Variants in DLG2 observed in about 807,000 individuals in gnomAD.
The protein encoded by DLG2 is discs large MAGUK scaffold protein 2.
A neutral mutation model predicts 132.5 loss-of-function variants in DLG2; 45 were observed. That is an observed-to-expected ratio of 0.34 (90% CI 0.27 to 0.44). DLG2 has a LOEUF of 0.44. Ranked by LOEUF, DLG2 falls within the 20% of genes least tolerant of loss-of-function variation. DLG2 has a pLI of 1.00. For missense variants in DLG2, 1,045 were observed against 1,196.9 expected (o/e 0.87, Z 1.87); for synonymous variants, 424 against 419.6 (o/e 1.01, Z -0.13).
intron 22 of DLG2, chr11:83,483,200 A>AAAAGG (rs1475751254): frequency 2.0e-6 from 3 of 1,518,574 alleles, no homozygotes; most frequent in African/African-American, 1.4e-5. Context: ...AGCCAAACTC[A>AAAAGG]AAAGGAAAGG....
At chr11:84,356,832 T>C (rs1466206610) in intron 7 of DLG2, among the ~76,000 whole-genome samples, 1 of 151,978 alleles carries the variant, frequency 6.6e-6, no homozygotes, top group African/African-American at 2.4e-5. Context: ...AAAGTATTTT[T>C]AAAAAGATGA....
At chr11:83,768,854 G>C (rs2094257999) in intron 18 of DLG2, among the ~76,000 whole-genome samples, 1 of 152,220 alleles carries the variant, frequency 6.6e-6, no homozygotes, top group Admixed American at 6.5e-5. Flanking sequence ...AGATCTGGCT[G>C]TTGGCCCCCT....
intron 6 of DLG2, among the ~76,000 whole-genome samples, chr11:84,572,994 C>A (rs2099489367): frequency 6.6e-6 from 1 of 151,866 alleles, no homozygotes; most frequent in African/African-American, 2.4e-5. Flanking sequence ...TGTCTCCTGC[C>A]AAAAATCTAA....
At chr11:85,445,457 C>G (rs2091966300) in intron 3 of DLG2, among the ~76,000 whole-genome samples, 1 of 152,178 alleles carries the variant, frequency 6.6e-6, no homozygotes, top group African/African-American at 2.4e-5. Flanking sequence ...GTGGGTGGAT[C>G]ACCTGAGGTC....
Position 84,353,711 on chromosome 11 carries a change from T to C in DLG2, c.520-102420A>G, listed in dbSNP as rs539879474. On this transcript the variant is annotated intron_variant, in intron 7 of 27. Transcript: ENST00000376104. ...GGTCATGTTTGGTATGTTTTTGTCA[T>C]CATTTTTATCTTGTCTTCTTGGCTC... Among the ~76,000 whole-genome samples the C allele has an allele frequency of 2.6e-5, 4 of 152,208 alleles. No homozygotes were observed. In the East Asian group the frequency reaches 5.8e-4, roughly 22 times the overall value.
chr11:84,772,510 A>G, intron 6 of DLG2, among the ~76,000 whole-genome samples: 1 of 152,222 alleles, frequency 6.6e-6, no homozygotes, highest in Admixed American at 6.5e-5. Flanking sequence ...TCATCTGCAC[A>G]TGGAACATAC....
intron 3 of DLG2, among the ~76,000 whole-genome samples, chr11:85,474,265 CTG>C (rs2093071686): frequency 6.6e-6 from 1 of 151,896 alleles, no homozygotes; most frequent in South Asian, 2.1e-4. Flanking sequence ...AAGCCTGAAA[CTG>C]TATTTACTTC....
At chr11:84,169,711 A>G (rs935524430) in intron 8 of DLG2, among the ~76,000 whole-genome samples, 3 of 152,046 alleles carry the variant, frequency 2.0e-5, no homozygotes, top group Non-Finnish European at 4.4e-5. Context: ...CATCTCTACT[A>G]AAAATACAAA....
At chr11:85,466,192 T>G (rs977610624) in intron 3 of DLG2, among the ~76,000 whole-genome samples, 6 of 152,228 alleles carry the variant, frequency 3.9e-5, no homozygotes, top group African/African-American at 1.4e-4. Flanking sequence ...GTTCACTGTA[T>G]GTAGATTCTG....
intron 3 of DLG2, among the ~76,000 whole-genome samples, chr11:85,439,791 T>C (rs542159507): frequency 4.6e-5 from 7 of 152,304 alleles, no homozygotes; most frequent in African/African-American, 1.4e-4. Flanking sequence ...AGAAGACACA[T>C]TGCATATTAA....
At chr11:83,874,902 T>A (rs1466859310) in intron 15 of DLG2, among the ~76,000 whole-genome samples, 1 of 152,150 alleles carries the variant, frequency 6.6e-6, no homozygotes, top group Non-Finnish European at 1.5e-5. Context: ...AGGTGAACAT[T>A]AAAATGAACA....
chr11:83,954,206 G>A (rs778620535), intron 14 of DLG2, among the ~76,000 whole-genome samples: 2 of 152,052 alleles, frequency 1.3e-5, no homozygotes, highest in Non-Finnish European at 2.9e-5. Context: ...GCAGCTTAAC[G>A]TGTTTTCTAA....
At chr11:83,885,599 G>A (rs947849148) in intron 15 of DLG2, among the ~76,000 whole-genome samples, 10 of 151,906 alleles carry the variant, frequency 6.6e-5, no homozygotes, top group South Asian at 2.1e-4. Context: ...TACAGAGAAC[G>A]CCACAAAGAT....
At chr11:84,685,087 G>A (rs2099736960) in intron 6 of DLG2, among the ~76,000 whole-genome samples, 2 of 152,194 alleles carry the variant, frequency 1.3e-5, no homozygotes, top group South Asian at 4.1e-4. Context: ...CTATTTAAGA[G>A]ACACAGAAAC....
At chr11:84,396,143 C>T (rs185524694) in intron 7 of DLG2, among the ~76,000 whole-genome samples, 21 of 152,182 alleles carry the variant, frequency 1.4e-4, no homozygotes, top group Admixed American at 1.1e-3. Context: ...ATTGCTTTTC[C>T]CATTTGTAAT....
chr11:84,801,867 C>T (rs1484403468), intron 6 of DLG2, among the ~76,000 whole-genome samples: 1 of 152,136 alleles, frequency 6.6e-6, no homozygotes, highest in African/African-American at 2.4e-5. Flanking sequence ...TAATTGGGGA[C>T]AAATTTGGTA....
At chr11:84,186,100 T>A (rs2096271496) in intron 8 of DLG2, among the ~76,000 whole-genome samples, 1 of 152,174 alleles carries the variant, frequency 6.6e-6, no homozygotes, top group South Asian at 2.1e-4. Context: ...GATTTTATCT[T>A]TGCCTTTCGC....
At chr11:83,816,608 T>C (rs2049004158) in intron 17 of DLG2, among the ~76,000 whole-genome samples, 2 of 152,176 alleles carry the variant, frequency 1.3e-5, no homozygotes, top group African/African-American at 2.4e-5. Context: ...AATCTAGGTT[T>C]GAATTCCACA....
intron 8 of DLG2, among the ~76,000 whole-genome samples, chr11:84,227,472 C>A (rs1566990462): frequency 6.6e-6 from 1 of 152,032 alleles, no homozygotes; most frequent in Non-Finnish European, 1.5e-5. Flanking sequence ...CCCACTGAGC[C>A]ATTTATTTTC....
Sources: gnomAD v4.1 joint callset for allele counts (sites outside exome capture counted in the v4.1 genomes callset) on GRCh38, gnomAD v4.1.1 for gene constraint, MANE v1.5 for transcripts, NCBI Gene and HGNC (gene_info 2026-07-23, HGNC 2026-07-21) for gene names.